Variants in RBFOX1 observed in about 807,000 individuals in gnomAD.
RBFOX1 encodes the protein RNA binding fox-1 homolog 1.
A neutral mutation model predicts 57.7 loss-of-function variants in RBFOX1; 8 were observed. The observed-to-expected ratio is 0.14, with a 90% CI of 0.08 to 0.25. RBFOX1 has a LOEUF of 0.25. Among genes scored for constraint, RBFOX1 ranks in the 10% least tolerant of loss-of-function variants. The pLI is 1.00. For synonymous variants in RBFOX1, 326 were observed against 222.4 expected, an observed-to-expected ratio of 1.47 and a Z score of -4.15; for missense variants, 611 against 548.5, an observed-to-expected ratio of 1.11 and a Z score of -1.14.
intron 1 of RBFOX1, among the ~76,000 whole-genome samples, chr16:5,456,999 C>G (rs370503234): frequency 6.6e-6 from 1 of 152,198 alleles, no homozygotes; most frequent in East Asian, 1.9e-4. Flanking sequence ...AAATTTATTT[C>G]ACACAGTTCT....
chr16:7,125,003 C>T (rs1308029251), intron 4 of RBFOX1, among the ~76,000 whole-genome samples: 3 of 152,072 alleles, frequency 2.0e-5, no homozygotes, highest in Non-Finnish European at 2.9e-5. Flanking sequence ...GAGAGGTAGA[C>T]ATTTACATAT....
At chr16:7,661,899 C>G (rs1296351902) in intron 12 of RBFOX1, among the ~76,000 whole-genome samples, 1 of 152,152 alleles carries the variant, frequency 6.6e-6, no homozygotes, top group East Asian at 1.9e-4. Flanking sequence ...ATCAGGTTAC[C>G]CTACTGAGCA....
chr16:7,204,883 T>C (rs1172976261), intron 4 of RBFOX1, among the ~76,000 whole-genome samples: 2 of 152,244 alleles, frequency 1.3e-5, no homozygotes, highest in African/African-American at 4.8e-5. Context: ...TGTTCTTGAC[T>C]GTTTTGGATA....
chr16:5,860,121 C>T (rs753062778), intron 3 of RBFOX1, among the ~76,000 whole-genome samples: 2 of 152,126 alleles, frequency 1.3e-5, no homozygotes, highest in African/African-American at 2.4e-5. Context: ...CTCACTCTGT[C>T]GCCCAGGCTG....
intron 3 of RBFOX1, among the ~76,000 whole-genome samples, chr16:6,944,432 G>A (rs1483940214): frequency 6.7e-6 from 1 of 149,426 alleles, no homozygotes; most frequent in Non-Finnish European, 1.5e-5. Flanking sequence ...AAAGAAAAAA[G>A]AAGACCACAC....
intron 4 of RBFOX1, among the ~76,000 whole-genome samples, chr16:7,359,554 C>G (rs955432453): frequency 6.6e-6 from 1 of 152,222 alleles, no homozygotes; most frequent in Non-Finnish European, 1.5e-5. Flanking sequence ...TGTGAATCAT[C>G]TGAAGTACCC....
At chr16:6,873,948 A>G (rs1017521657) in intron 3 of RBFOX1, 1 of 152,204 alleles carries the variant, frequency 6.6e-6, no homozygotes, top group Non-Finnish European at 1.5e-5. Flanking sequence ...TACAGAGAAG[A>G]TTAGCGTGAC....
At chr16:7,210,767 G>C (rs765570131) in intron 4 of RBFOX1, among the ~76,000 whole-genome samples, 2 of 152,096 alleles carry the variant, frequency 1.3e-5, no homozygotes, top group Non-Finnish European at 2.9e-5. Flanking sequence ...TAAATGACAT[G>C]TCCAAGGTCA....
intron 3 of RBFOX1, among the ~76,000 whole-genome samples, chr16:6,972,270 C>T (rs1236219301): frequency 6.6e-6 from 1 of 152,056 alleles, no homozygotes; most frequent in African/African-American, 2.4e-5. Context: ...TCCCCAGCCC[C>T]TGGTAACTGT....
At chr16:6,074,450 C>T (rs985939589) in intron 1 of RBFOX1, among the ~76,000 whole-genome samples, 2 of 152,198 alleles carry the variant, frequency 1.3e-5, no homozygotes, top group South Asian at 2.1e-4. Flanking sequence ...GATAAAATCT[C>T]TTTGGTTGGT....
rs548465818 is a variant in RBFOX1 at position 5,679,515 on chromosome 16, C to G, written c.318+80554C>G. 1.2e-4 allele frequency among the ~76,000 whole-genome samples: 18 copies of G among 152,144 alleles called. No homozygotes were observed. In the East Asian group the frequency reaches 2.9e-3, roughly 24 times the overall value. ...CTCTCCCTCCCCTTGTCCCCCACCC[C>G]CCGACAGGTCCCGGTGTGTGGCGTT... On this transcript the variant is annotated intron_variant, in intron 3 of 19. Coordinates refer to the RBFOX1 transcript ENST00000641259.
intron 4 of RBFOX1, among the ~76,000 whole-genome samples, chr16:7,257,296 C>G (rs1263475456): frequency 6.6e-6 from 1 of 152,120 alleles, no homozygotes; most frequent in Non-Finnish European, 1.5e-5. Flanking sequence ...TTTCCCAGAA[C>G]CCACACGCTT....
intron 4 of RBFOX1, among the ~76,000 whole-genome samples, chr16:7,269,960 A>T (rs1280717515): frequency 6.6e-6 from 1 of 152,348 alleles, no homozygotes. Context: ...GATAGGTAAA[A>T]ATTGGTATTG....
At chr16:6,137,882 T>A (rs539919369) in intron 1 of RBFOX1, among the ~76,000 whole-genome samples, 1 of 152,180 alleles carries the variant, frequency 6.6e-6, no homozygotes, top group South Asian at 2.1e-4. Context: ...AGTGTTGGGA[T>A]CACAGACATG....
chr16:6,036,731 A>T (rs11644311), intron 1 of RBFOX1, among the ~76,000 whole-genome samples: 21,351 of 152,200 alleles, frequency 0.14, 1,775 homozygotes, highest in East Asian at 0.36. Flanking sequence ...GGAATTTTTA[A>T]CTTAGATGGG....
intron 4 of RBFOX1, among the ~76,000 whole-genome samples, chr16:7,151,748 T>C (rs955180918): frequency 2.6e-5 from 4 of 152,066 alleles, no homozygotes; most frequent in African/African-American, 9.7e-5. Context: ...TTCCTGCAAC[T>C]AGACAGTCCC....
At chr16:5,677,827 C>A (rs1023153305) in intron 3 of RBFOX1, among the ~76,000 whole-genome samples, 6 of 152,024 alleles carry the variant, frequency 3.9e-5, no homozygotes, top group Admixed American at 3.3e-4. Context: ...TCTGGAGGAA[C>A]GTGTAAAAGT....
intron 2 of RBFOX1, among the ~76,000 whole-genome samples, chr16:6,354,530 C>T (rs1016573526): frequency 6.6e-6 from 1 of 152,156 alleles, no homozygotes; most frequent in African/African-American, 2.4e-5. Flanking sequence ...ACATCTTTCC[C>T]AAGATCAGGA....
At chr16:7,589,263 A>C (rs2094307363) in intron 7 of RBFOX1, among the ~76,000 whole-genome samples, 1 of 152,100 alleles carries the variant, frequency 6.6e-6, no homozygotes, top group South Asian at 2.1e-4. Context: ...TAATATGTTT[A>C]ATTTATATTT....
Sources: gnomAD v4.1 joint callset for allele counts (sites outside exome capture counted in the v4.1 genomes callset) on GRCh38, gnomAD v4.1.1 for gene constraint, MANE v1.5 for transcripts, NCBI Gene and HGNC (gene_info 2026-07-23, HGNC 2026-07-21) for gene names.